Variants in NYAP2 observed in about 807,000 individuals in gnomAD.
NYAP2 encodes the protein neuronal tyrosine-phosphorylated phosphoinositide-3-kinase adapter 2.
A neutral mutation model predicts 50.4 loss-of-function variants in NYAP2; 23 were observed. The observed-to-expected ratio is 0.46, with a 90% CI of 0.33 to 0.65. NYAP2 has a LOEUF of 0.65. Among genes scored for constraint, NYAP2 ranks in the 30% least tolerant of loss-of-function variants. NYAP2 has a pLI of 0.02. For missense variants in NYAP2, 885 were observed against 861.0 expected (o/e 1.03, Z -0.35); for synonymous variants, 394 against 365.2 (o/e 1.08, Z -0.90).
At chr2:225,406,263 C>G (rs1304091690) in intron 2 of NYAP2, among the ~76,000 whole-genome samples, 1 of 151,924 alleles carries the variant, frequency 6.6e-6, no homozygotes, top group Non-Finnish European at 1.5e-5. Context: ...CTCAATATTA[C>G]AAACTATTAT....
At chr2:225,486,703 A>G (rs1690305006) in intron 3 of NYAP2, among the ~76,000 whole-genome samples, 1 of 152,208 alleles carries the variant, frequency 6.6e-6, no homozygotes, top group Non-Finnish European at 1.5e-5. Flanking sequence ...TAAGAAACCC[A>G]TCAGGGCCTA....
Position 225,518,562 on chromosome 2 carries a change from ATAT to A in NYAP2, c.523+4891_523+4893del, listed in dbSNP as rs1559202536. On this transcript the variant is annotated intron_variant, in intron 4 of 6. Coordinates refer to ENST00000636099, the Ensembl canonical transcript of NYAP2. ...TATATATATATATATATATATATAT[ATAT>A]ATATTAGCGTGTGCGCTTATATATA... Among the ~76,000 whole-genome samples the A allele has an allele frequency of 1.4e-3, 55 of 40,164 alleles. 3 individuals carry two copies. The highest frequency in any genetic ancestry group is 5.8e-3 in the African/African-American group (42 of 7,274). The allele number at this position is 40,164 out of a possible 152,430, so 26.3% of individuals were successfully genotyped here.
intron 6 of NYAP2, among the ~76,000 whole-genome samples, chr2:225,627,463 T>C (rs190330165): frequency 2.0e-5 from 3 of 152,308 alleles, no homozygotes; most frequent in Admixed American, 1.3e-4. Flanking sequence ...GTTTGAGTAA[T>C]TTAGAATTTA....
At chr2:225,687,822 G>C in the NYAP2 span, among the ~76,000 whole-genome samples, 2 of 152,156 alleles carry the variant, frequency 1.3e-5, no homozygotes, top group Non-Finnish European at 2.9e-5. Context: ...CAGAGAACGG[G>C]AAAGGTCAGA....
At chr2:225,682,738 G>A in the NYAP2 span, among the ~76,000 whole-genome samples, 1 of 152,114 alleles carries the variant, frequency 6.6e-6, no homozygotes, top group African/African-American at 2.4e-5. Context: ...ATGAGACCTA[G>A]GAGTCTTGAA....
chr2:225,643,707 T>C (rs1411359657), intron 6 of NYAP2, among the ~76,000 whole-genome samples: 71 of 152,058 alleles, frequency 4.7e-4, no homozygotes, highest in African/African-American at 1.6e-3. Context: ...GGTTTTTTGT[T>C]CTTGCGATAG....
At chr2:225,520,407 T>C (rs1691027187) in intron 4 of NYAP2, among the ~76,000 whole-genome samples, 1 of 152,146 alleles carries the variant, frequency 6.6e-6, no homozygotes, top group African/African-American at 2.4e-5. Flanking sequence ...TGGTTTTAGG[T>C]CTAACATTTA....
chr2:225,490,560 A>T (rs1690386449), intron 3 of NYAP2, among the ~76,000 whole-genome samples: 1 of 152,148 alleles, frequency 6.6e-6, no homozygotes, highest in Non-Finnish European at 1.5e-5. Context: ...CTACTGTTCT[A>T]CAGCAAGGCC....
intron 4 of NYAP2, among the ~76,000 whole-genome samples, chr2:225,518,261 A>G (rs546023501): frequency 1.2e-4 from 18 of 151,928 alleles, no homozygotes; most frequent in African/African-American, 4.3e-4. Context: ...CTAAGCACAG[A>G]AAGACAGATA....
chr2:225,583,466 T>G (rs963118570), intron 5 of NYAP2, among the ~76,000 whole-genome samples: 2 of 152,102 alleles, frequency 1.3e-5, no homozygotes, highest in African/African-American at 4.8e-5. Flanking sequence ...AGCCAAATAG[T>G]GTATCTTGAA....
the NYAP2 span, chr2:225,699,257 C>A: frequency 6.6e-6 from 1 of 151,914 alleles, no homozygotes; most frequent in Non-Finnish European, 1.5e-5. Flanking sequence ...GTTAGTCAGA[C>A]TCCAGAGAAA....
intron 5 of NYAP2, among the ~76,000 whole-genome samples, chr2:225,583,256 C>A (rs1353587230): frequency 1.3e-5 from 2 of 152,142 alleles, no homozygotes; most frequent in Non-Finnish European, 2.9e-5. Context: ...TATACTATTT[C>A]CTATTTAAAA....
At chr2:225,508,210 C>T (rs951166601) in intron 3 of NYAP2, among the ~76,000 whole-genome samples, 1 of 152,188 alleles carries the variant, frequency 6.6e-6, no homozygotes, top group Non-Finnish European at 1.5e-5. Context: ...CAGGCTTAAT[C>T]TATCTTGAGT....
chr2:225,697,400 A>G, the NYAP2 span, among the ~76,000 whole-genome samples: 1 of 152,052 alleles, frequency 6.6e-6, no homozygotes, highest in East Asian at 1.9e-4. Flanking sequence ...TTGCCGAAGC[A>G]TCAAAAACTA....
chr2:225,542,061 T>C (rs1382122794), intron 4 of NYAP2, among the ~76,000 whole-genome samples: 1 of 152,180 alleles, frequency 6.6e-6, no homozygotes, highest in East Asian at 1.9e-4. Flanking sequence ...GATTACTTTC[T>C]TATTTTTCAG....
chr2:225,588,049 C>T (rs140221848), intron 5 of NYAP2, among the ~76,000 whole-genome samples: 4,788 of 152,022 alleles, frequency 0.031, 233 homozygotes, highest in African/African-American at 0.11. Flanking sequence ...CTCAGTCTCC[C>T]GAGTAGCTGG....
chr2:225,560,933 GTTT>G (rs34298369), intron 4 of NYAP2, among the ~76,000 whole-genome samples: 3 of 136,478 alleles, frequency 2.2e-5, no homozygotes, highest in Admixed American at 7.5e-5. Flanking sequence ...TTTCCAAAAC[GTTT>G]TTTTTTTTTT....
At chr2:225,601,995 TTG>T (rs1692700311) in intron 5 of NYAP2, among the ~76,000 whole-genome samples, 1 of 152,210 alleles carries the variant, frequency 6.6e-6, no homozygotes, top group African/African-American at 2.4e-5. Context: ...CATGATTTTT[TTG>T]TCTCATGACC....
chr2:225,650,286 GA>G (rs1158931939), intron 6 of NYAP2, among the ~76,000 whole-genome samples: 1 of 152,208 alleles, frequency 6.6e-6, no homozygotes, highest in African/African-American at 2.4e-5. Context: ...GAAATGGCAT[GA>G]GGATAGTGCA....
Sources: allele counts gnomAD v4.1 joint callset (sites outside exome capture counted in the v4.1 genomes callset), GRCh38; gene constraint gnomAD v4.1.1; transcripts MANE v1.5; gene names NCBI Gene and HGNC (gene_info 2026-07-23, HGNC 2026-07-21).